The following MYBL2 variants were observed in gnomAD, a reference collection of about 807,000 sequenced individuals.
MYBL2 encodes myb-related protein B.
MYBL2 carries 28 observed loss-of-function variants against 79.9 expected under a neutral mutation model. That is an observed-to-expected ratio of 0.35 (90% CI 0.26 to 0.48). The LOEUF is 0.48. MYBL2 is among the 20% of genes least tolerant of loss of function. The pLI, the probability that MYBL2 is intolerant of heterozygous loss-of-function variation, is 0.99. For missense variants in MYBL2, 735 were observed against 893.9 expected, an observed-to-expected ratio of 0.82 and a Z score of 2.27; for synonymous variants, 378 against 361.2, an observed-to-expected ratio of 1.05 and a Z score of -0.53.
At chr20:43,687,282 A>G (rs559206061) in intron 5 of MYBL2, among the ~76,000 whole-genome samples, 2 of 152,274 alleles carry the variant, frequency 1.3e-5, no homozygotes, top group South Asian at 2.1e-4. Context: ...AAAAGAACAG[A>G]TGGTGATAAG....
intron 9 of MYBL2, among the ~76,000 whole-genome samples, chr20:43,708,487 G>A (rs1459304087): frequency 6.6e-6 from 1 of 152,032 alleles, no homozygotes; most frequent in Non-Finnish European, 1.5e-5. Context: ...GGGTTGGAGT[G>A]CAGTGGTGCA....
chr20:43,698,061 CTTTT>C (rs11475916), intron 6 of MYBL2, among the ~76,000 whole-genome samples: 16 of 112,396 alleles, frequency 1.4e-4, no homozygotes, highest in Non-Finnish European at 2.4e-4. Flanking sequence ...GCTTGGTTGT[CTTTT>C]TTTTTTTTTT....
At chr20:43,707,046 C>T (rs1002328276) in intron 9 of MYBL2, among the ~76,000 whole-genome samples, 2 of 151,006 alleles carry the variant, frequency 1.3e-5, no homozygotes, top group South Asian at 2.1e-4. Context: ...TGGGCGTGGC[C>T]GTGTGTGCCT....
chr20:43,668,931 A>G (rs947938812), intron 1 of MYBL2, among the ~76,000 whole-genome samples: 3 of 151,894 alleles, frequency 2.0e-5, no homozygotes, highest in Non-Finnish European at 2.9e-5. Context: ...CAGTGGCACA[A>G]TCTCGGCTCA....
At chr20:43,677,228 C>T (rs1239266968) in intron 2 of MYBL2, among the ~76,000 whole-genome samples, 7 of 152,194 alleles carry the variant, frequency 4.6e-5, no homozygotes, top group Non-Finnish European at 8.8e-5. Flanking sequence ...GAGCAGATTT[C>T]TCTCTGGAAT....
chr20:43,702,917 A>G lies in MYBL2; in HGVS notation c.1365+14A>G, dbSNP rs114440603. 3.8e-6 allele frequency: 6 copies of G among 1,571,822 alleles called. No individual in the cohort carries two copies. The African/African-American group carries it at 8.1e-5, about 21-fold the overall frequency. The stretch of plus-strand genomic sequence containing the variant: ...TCGCCCTCCCAGGTGCGTGGACCCC[A>G]CTCTGGCTGCTTATTGGGTCGGTAC... On this transcript the variant is annotated intron_variant, in intron 8 of 13. Coordinates refer to ENST00000217026, the MANE Select transcript of MYBL2 (RefSeq NM_002466.4).
At chr20:43,682,382 C>T (rs1340269888) in intron 3 of MYBL2, among the ~76,000 whole-genome samples, 1 of 152,188 alleles carries the variant, frequency 6.6e-6, no homozygotes, top group African/African-American at 2.4e-5. Flanking sequence ...TGTCTTACTG[C>T]CTGGGCTGCT....
At chr20:43,671,500 TTC>T (rs1986855999) in intron 1 of MYBL2, among the ~76,000 whole-genome samples, 1 of 132,802 alleles carries the variant, frequency 7.5e-6, no homozygotes, top group South Asian at 2.6e-4. Context: ...GAGATGGAGT[TTC>T]GCTCTTGTTG....
chr20:43,668,310 C>T (rs1986773414), intron 1 of MYBL2, among the ~76,000 whole-genome samples: 1 of 150,410 alleles, frequency 6.6e-6, no homozygotes, highest in Non-Finnish European at 1.5e-5. Flanking sequence ...AAGCGATTCT[C>T]CTGCCTCAGC....
At chr20:43,711,924 G>T (rs534324791) in intron 11 of MYBL2, among the ~76,000 whole-genome samples, 1 of 152,282 alleles carries the variant, frequency 6.6e-6, no homozygotes, top group Admixed American at 6.5e-5. Flanking sequence ...TAGTGTTCAG[G>T]GGGCAGAGAC....
At chr20:43,703,540 C>T (rs959700334) in intron 8 of MYBL2, among the ~76,000 whole-genome samples, 1 of 152,040 alleles carries the variant, frequency 6.6e-6, no homozygotes, top group African/African-American at 2.4e-5. Flanking sequence ...GGTGTCTGGG[C>T]TGGGTCTCCT....
intron 1 of MYBL2, 95 bp downstream of exon 1, chr20:43,667,398 A>G (rs1986743855): frequency 2.2e-6 from 2 of 892,924 alleles, no homozygotes; most frequent in Admixed American, 4.7e-5. Context: ...GCTCCCACCA[A>G]GCTGGGGTGT....
Position 43,700,147 on chromosome 20 carries a change from C to T in MYBL2, c.951+103C>T. 5.6e-6 allele frequency: 8 copies of T among 1,438,926 alleles called. 1 individual carries two copies. In the South Asian group the frequency reaches 1.0e-4, roughly 19 times the overall value. The allele number at this position is 1,438,926 out of a possible 1,614,324, so 89.1% of individuals were successfully genotyped here. On this transcript the variant is annotated intron_variant, in intron 7 of 13. Coordinates refer to ENST00000217026, the MANE Select transcript of MYBL2 (RefSeq NM_002466.4). ...TTTGCTCATTCCATCGCCCTGCTAA[C>T]AGTTACTGACTTGATGCTGAATGCC...
intron 4 of MYBL2, 85 bp from the exon 5 acceptor site, chr20:43,686,766 TG>T: frequency 7.3e-7 from 1 of 1,363,516 alleles, no homozygotes. Flanking sequence ...CTCAGGGCCA[TG>T]GCAAGGCTCA....
chr20:43,709,134 AG>A (rs548243244), intron 9 of MYBL2, among the ~76,000 whole-genome samples: 329 of 152,300 alleles, frequency 2.2e-3, no homozygotes, highest in African/African-American at 7.6e-3. Flanking sequence ...CTCATCACCC[AG>A]GTCCCTGGCT....
intron 1 of MYBL2, among the ~76,000 whole-genome samples, chr20:43,667,632 T>A (rs1010060367): frequency 6.6e-6 from 1 of 152,036 alleles, no homozygotes; most frequent in Non-Finnish European, 1.5e-5. Context: ...GGCCGGCCGG[T>A]GTCAGCTGGC....
intron 1 of MYBL2, 44 bp downstream of exon 1, chr20:43,667,347 A>C: frequency 8.4e-7 from 1 of 1,191,510 alleles, no homozygotes. Context: ...CCTCCCTTTA[A>C]CTCACCCCTC....
intron 2 of MYBL2, among the ~76,000 whole-genome samples, chr20:43,678,970 G>A (rs1055015674): frequency 1.3e-5 from 2 of 152,022 alleles, no homozygotes; most frequent in Non-Finnish European, 2.9e-5. Context: ...TGGCTGTGGA[G>A]AGGGCAGTGC....
intron 4 of MYBL2, among the ~76,000 whole-genome samples, chr20:43,683,664 G>T (rs376532): frequency 6.6e-6 from 1 of 150,708 alleles, no homozygotes; most frequent in Non-Finnish European, 1.5e-5. Context: ...AGCGATTCTC[G>T]TGTCTTAGCC....
Sources: allele counts gnomAD v4.1 joint callset (sites outside exome capture counted in the v4.1 genomes callset), GRCh38; gene constraint gnomAD v4.1.1; transcripts MANE v1.5; gene names NCBI Gene and HGNC (gene_info 2026-07-23, HGNC 2026-07-21).